Variants in DNAI4 observed in about 807,000 individuals in gnomAD.
The protein encoded by DNAI4 is dynein axonemal intermediate chain 4.
A neutral mutation model predicts 105.8 loss-of-function variants in DNAI4; 85 were observed. The ratio of observed to expected loss-of-function variants is 0.80; its 90% CI spans 0.67 to 0.96. The LOEUF (loss-of-function observed/expected upper bound fraction) is 0.96, where lower values mean the gene tolerates loss of function less well. Among genes scored for constraint, DNAI4 ranks in the 40% least tolerant of loss-of-function variants. The pLI is 0.00. For synonymous variants in DNAI4, 352 were observed against 331.5 expected (o/e 1.06, Z -0.67); for missense variants, 1,014 against 1,005.6 (o/e 1.01, Z -0.11).
intron 4 of DNAI4, among the ~76,000 whole-genome samples, chr1:66,888,281 A>G (rs1394766001): frequency 6.6e-6 from 1 of 152,058 alleles, no homozygotes; most frequent in Non-Finnish European, 1.5e-5. Context: ...GGCATACCAG[A>G]TGACTTTAAT....
At chr1:66,816,880 T>C (rs1340245205) in intron 16 of DNAI4, among the ~76,000 whole-genome samples, 1 of 151,880 alleles carries the variant, frequency 6.6e-6, no homozygotes, top group Non-Finnish European at 1.5e-5. Flanking sequence ...AACACAAAAA[T>C]TAAGTATTTT....
intron 2 of DNAI4, among the ~76,000 whole-genome samples, chr1:66,900,805 G>A (rs1648754123): frequency 6.6e-6 from 1 of 152,042 alleles, no homozygotes; most frequent in Admixed American, 6.6e-5. Context: ...GAATTCCTTA[G>A]GAGTCTGTAT....
intron 4 of DNAI4, among the ~76,000 whole-genome samples, chr1:66,886,243 T>C (rs1647196890): frequency 6.6e-6 from 1 of 152,222 alleles, no homozygotes; most frequent in South Asian, 2.1e-4. Context: ...GCACATTGTA[T>C]ACTTTCTCCA....
At chr1:66,910,781 G>T (rs1227122348) in intron 1 of DNAI4, among the ~76,000 whole-genome samples, 1 of 152,104 alleles carries the variant, frequency 6.6e-6, no homozygotes, top group Non-Finnish European at 1.5e-5. Context: ...TGGAATCTAA[G>T]TTCCATGAGG....
chr1:66,871,489 T>G lies in DNAI4; in HGVS notation c.821A>C (p.Glu274Ala). 6.3e-7 allele frequency: 1 copy of G among 1,592,336 alleles called. No homozygotes were observed. Among genetic ancestry groups the G allele is most frequent in the East Asian group, 2.3e-5 (1 of 44,358 alleles). ...EKVTQRNKNY[E>A]VLCRNRLGND... ...GCCTAATCTGTTTCTACAAAGGACT[T>G]CATAATTCTTGTTTCTCTGACTGTA... The change falls in exon 6 of 17, where the codon GAA becomes GCA. Residue 274 changes from glutamate to alanine, a missense_variant. By Grantham distance (107) the Glu-to-Ala change is moderately radical. Coordinates refer to ENST00000371026, the MANE Select transcript of DNAI4 (RefSeq NM_024763.5).
intron 16 of DNAI4, among the ~76,000 whole-genome samples, chr1:66,821,642 T>C (rs1046404772): frequency 6.6e-6 from 1 of 152,180 alleles, no homozygotes; most frequent in Admixed American, 6.5e-5. Context: ...ACATATTTAC[T>C]AGTCATTTTT....
At chr1:66,861,851 T>G (rs1370688515) in intron 7 of DNAI4, among the ~76,000 whole-genome samples, 4 of 152,004 alleles carry the variant, frequency 2.6e-5, no homozygotes, top group East Asian at 1.9e-4. Context: ...GTAATCTAAT[T>G]GAACAAAAGG....
chr1:66,863,098 A>G (rs1321937667), intron 6 of DNAI4, among the ~76,000 whole-genome samples: 2 of 152,200 alleles, frequency 1.3e-5, no homozygotes, highest in African/African-American at 4.8e-5. Context: ...AATTTATTCA[A>G]ATCATCAAAA....
chr1:66,830,039 G>T (rs1477008610), intron 13 of DNAI4, among the ~76,000 whole-genome samples: 1 of 152,034 alleles, frequency 6.6e-6, no homozygotes. Flanking sequence ...TAACATATCA[G>T]AATTTTTGGG....
At chr1:66,835,921 C>G in intron 10 of DNAI4, 144 bp from the exon 11 acceptor site, 1 of 680,138 alleles carries the variant, frequency 1.5e-6, no homozygotes, top group Non-Finnish European at 2.5e-6. Context: ...TTCCTAATTT[C>G]CAGTATAGAA....
At chr1:66,912,342 A>C (rs1012565081) in intron 1 of DNAI4, among the ~76,000 whole-genome samples, 1 of 151,856 alleles carries the variant, frequency 6.6e-6, no homozygotes, top group East Asian at 1.9e-4. Context: ...GGTGGGACAC[A>C]CCTGTAATCC....
intron 3 of DNAI4, among the ~76,000 whole-genome samples, chr1:66,891,705 C>G (rs990412161): frequency 1.3e-5 from 2 of 152,226 alleles, no homozygotes; most frequent in Non-Finnish European, 2.9e-5. Flanking sequence ...CTCAGGTGAT[C>G]TGCCCACCTC....
chr1:66,862,676 T>G (rs148404453), intron 6 of DNAI4, among the ~76,000 whole-genome samples: 159 of 152,348 alleles, frequency 1.0e-3, no homozygotes, highest in African/African-American at 3.6e-3. Context: ...TGAGGATACC[T>G]CAAGAGATCC....
chr1:66,887,300 G>T (rs1647241919), intron 4 of DNAI4, among the ~76,000 whole-genome samples: 1 of 152,170 alleles, frequency 6.6e-6, no homozygotes, highest in South Asian at 2.1e-4. Flanking sequence ...TAGATCTTAA[G>T]GTGGCAGTTT....
intron 15 of DNAI4, among the ~76,000 whole-genome samples, chr1:66,823,780 T>G (rs1645686838): frequency 6.7e-6 from 1 of 150,032 alleles, no homozygotes; most frequent in Non-Finnish European, 1.5e-5. Context: ...TGTAAATTTG[T>G]TTGAGTTCAT....
intron 16 of DNAI4, among the ~76,000 whole-genome samples, 185 bp downstream of exon 16, chr1:66,822,176 C>A (rs552446532): frequency 8.1e-6 from 1 of 122,800 alleles, no homozygotes; most frequent in Non-Finnish European, 1.8e-5. Context: ...ATAAATAAGA[C>A]GAGGCTGAAA....
chr1:66,831,335 A>T (rs1007548715), intron 13 of DNAI4, among the ~76,000 whole-genome samples: 3 of 152,172 alleles, frequency 2.0e-5, no homozygotes, highest in African/African-American at 7.2e-5. Context: ...CAAAGATGTC[A>T]CAAGAAAACT....
rs779243352 is a variant in DNAI4 at position 66,893,255 on chromosome 1, A to T, written c.504T>A (p.Asn168Lys). ...TTGTAAACTGCCCTAACGTACTAGGATTTATTGTATTCTGATAAAGGCTAT... is the reference window on the plus strand; with the variant it reads ...TTGTAAACTGCCCTAACGTACTAGGTTTTATTGTATTCTGATAAAGGCTAT... ...SSYSLYQNTI[N>K]PSTLGQFTRS... Residue 168 changes from asparagine to lysine, a missense_variant, in exon 3 of 17, where the codon AAT becomes AAA. By Grantham distance (94) the Asn-to-Lys change is moderately conservative (BLOSUM62 0). Coordinates refer to ENST00000371026, the MANE Select transcript of DNAI4 (RefSeq NM_024763.5). 6 of 1,598,736 alleles carry T rather than the reference A, an allele frequency of 3.8e-6. No individual in the cohort carries two copies. The African/African-American group carries it at 8.1e-5, about 22-fold the overall frequency.
chr1:66,827,935 A>G (rs752675473), intron 13 of DNAI4, 25 bp from the exon 14 acceptor site: 1 of 1,447,120 alleles, frequency 6.9e-7, no homozygotes, highest in Admixed American at 1.8e-5. Context: ...ATCGAAATGC[A>G]TTGGCTTGTG....
Sources: allele counts gnomAD v4.1 joint callset (sites outside exome capture counted in the v4.1 genomes callset), GRCh38; gene constraint gnomAD v4.1.1; transcripts MANE v1.5; gene names NCBI Gene and HGNC (gene_info 2026-07-23, HGNC 2026-07-21).